SLC14A2: variants seen among roughly 807,000 people sequenced by gnomAD.
The protein encoded by SLC14A2 is solute carrier family 14 member 2.
In SLC14A2, 91 loss-of-function variants were observed where a neutral mutation model predicts 104.6. The ratio of observed to expected loss-of-function variants is 0.87; its 90% CI spans 0.73 to 1.04. The LOEUF (loss-of-function observed/expected upper bound fraction) is 1.04. Ranked by LOEUF, SLC14A2 falls within the 50% of genes least tolerant of loss-of-function variation. The pLI, the probability that SLC14A2 is intolerant of heterozygous loss-of-function variation, is 0.00. For missense variants in SLC14A2, 1,189 were observed against 1,156.0 expected (o/e 1.03, Z -0.41); for synonymous variants, 476 against 466.4 (o/e 1.02, Z -0.27).
At chr18:45,192,075 C>T in the SLC14A2 span, among the ~76,000 whole-genome samples, 1 of 152,138 alleles carries the variant, frequency 6.6e-6, no homozygotes, top group Non-Finnish European at 1.5e-5. Flanking sequence ...TTTCTTGTCT[C>T]AGCTTTCAAC....
chr18:45,388,275 G>C (rs1356335708), intron 1 of SLC14A2, among the ~76,000 whole-genome samples: 1 of 151,878 alleles, frequency 6.6e-6, no homozygotes, highest in Non-Finnish European at 1.5e-5. Flanking sequence ...TGTTAGCCAG[G>C]TTAGTCTCGA....
intron 1 of SLC14A2, among the ~76,000 whole-genome samples, chr18:45,358,041 A>G (rs1855239379): frequency 6.6e-6 from 1 of 152,188 alleles, no homozygotes; most frequent in South Asian, 2.1e-4. Context: ...TCTCTGAAGG[A>G]GAGAGAGAGG....
intron 1 of SLC14A2, among the ~76,000 whole-genome samples, chr18:45,433,464 A>G (rs986173637): frequency 7.2e-5 from 11 of 152,238 alleles, no homozygotes; most frequent in Middle Eastern, 3.4e-3. Context: ...ACTTTCTCCA[A>G]TCCTCCAGAT....
At chr18:45,593,754 G>T (rs1367744096) in intron 2 of SLC14A2, among the ~76,000 whole-genome samples, 1 of 152,090 alleles carries the variant, frequency 6.6e-6, no homozygotes, top group Non-Finnish European at 1.5e-5. Context: ...CTCCCAAAGT[G>T]CTGGAACCAC....
intron 2 of SLC14A2, among the ~76,000 whole-genome samples, chr18:45,533,840 C>T (rs1454945487): frequency 6.6e-6 from 1 of 152,136 alleles, no homozygotes; most frequent in Non-Finnish European, 1.5e-5. Context: ...GCATTTAGTG[C>T]TATAAATGTC....
Position 45,632,351 on chromosome 18 carries a change from T to C in SLC14A2, c.523T>C (p.Ser175Pro), listed in dbSNP as rs754006329. ...AAAATCAGTCTGTTTCACCGCCAGGTCTGCCATTGCCTCAGGACTCCATGG... is the reference window on the plus strand; with the variant it reads ...AAAATCAGTCTGTTTCACCGCCAGGCCTGCCATTGCCTCAGGACTCCATGG... ...LTALALGQDR[S>P]AIASGLHGYN... The change falls in exon 5 of 20, where the codon TCT (serine) becomes CCT (proline). Residue 175 changes from serine (S) to proline (P), a missense_variant and splice_region_variant. Transcript: ENST00000255226. 6.8e-6 allele frequency: 11 copies of C among 1,610,488 alleles called. No homozygotes were observed. Among genetic ancestry groups the C allele is most frequent in the Admixed American group, 1.7e-5 (1 of 59,162 alleles).
intron 2 of SLC14A2, among the ~76,000 whole-genome samples, chr18:45,586,133 G>C (rs1419758537): frequency 6.6e-6 from 1 of 152,190 alleles, no homozygotes; most frequent in East Asian, 1.9e-4. Context: ...AGTAATTGCG[G>C]TTTTGCCATT....
intron 12 of SLC14A2, among the ~76,000 whole-genome samples, chr18:45,666,577 T>C (rs1019070149): frequency 2.1e-4 from 32 of 148,880 alleles, no homozygotes; most frequent in African/African-American, 7.7e-4. Context: ...GAGAAAGCCA[T>C]TTCTTCTGGA....
At chr18:45,176,363 G>A in the SLC14A2 span, among the ~76,000 whole-genome samples, 1 of 152,264 alleles carries the variant, frequency 6.6e-6, no homozygotes, top group East Asian at 1.9e-4. Context: ...AACCCAGGCA[G>A]TCTAATTCCA....
At chr18:45,594,718 G>C (rs1206998754) in intron 2 of SLC14A2, among the ~76,000 whole-genome samples, 1 of 152,128 alleles carries the variant, frequency 6.6e-6, no homozygotes, top group Non-Finnish European at 1.5e-5. Flanking sequence ...TGATAGATGG[G>C]AGGCTGAACC....
At chr18:45,335,226 C>T (rs112216307) in intron 1 of SLC14A2, among the ~76,000 whole-genome samples, 2 of 152,202 alleles carry the variant, frequency 1.3e-5, no homozygotes, top group African/African-American at 4.8e-5. Flanking sequence ...CTTTTTGTCA[C>T]AACAGATGAC....
At chr18:45,209,074 C>T (rs1305142145), upstream of SLC14A2, among the ~76,000 whole-genome samples, 2 of 148,738 alleles carry the variant, frequency 1.3e-5, no homozygotes, top group African/African-American at 2.5e-5. Flanking sequence ...CGGTGGCTCA[C>T]GTCTGTAATC....
intron 1 of SLC14A2, among the ~76,000 whole-genome samples, chr18:45,423,542 G>C (rs2086378758): frequency 6.6e-6 from 1 of 152,110 alleles, no homozygotes; most frequent in Non-Finnish European, 1.5e-5. Context: ...GTGAGCATCT[G>C]GCCTATCCCA....
intron 1 of SLC14A2, among the ~76,000 whole-genome samples, chr18:45,458,621 G>A (rs570406322): frequency 5.9e-5 from 9 of 152,272 alleles, no homozygotes; most frequent in Non-Finnish European, 1.2e-4. Flanking sequence ...TTCTACTTCA[G>A]TGGATTAAGT....
intron 1 of SLC14A2, among the ~76,000 whole-genome samples, chr18:45,254,973 C>T (rs1599617142): frequency 6.6e-6 from 1 of 152,120 alleles, no homozygotes; most frequent in Admixed American, 6.5e-5. Context: ...GCTGGCCTGG[C>T]CTTCTGCATT....
chr18:45,194,684 TG>T, the SLC14A2 span, among the ~76,000 whole-genome samples: 1 of 145,284 alleles, frequency 6.9e-6, no homozygotes, highest in Non-Finnish European at 1.5e-5. Flanking sequence ...CTCACACTGT[TG>T]CCCAGGCTGG....
At chr18:45,660,072 G>T (rs1212429925) in intron 10 of SLC14A2, among the ~76,000 whole-genome samples, 2 of 152,142 alleles carry the variant, frequency 1.3e-5, no homozygotes, top group East Asian at 3.8e-4. Context: ...GTTTTAGGCT[G>T]CAGTGAGCTA....
At chr18:45,508,037 A>T (rs2144780686) in intron 2 of SLC14A2, among the ~76,000 whole-genome samples, 1 of 152,382 alleles carries the variant, frequency 6.6e-6, no homozygotes, top group East Asian at 1.9e-4. Flanking sequence ...TACTCTGCTT[A>T]TCTCAAAGGT....
intron 1 of SLC14A2, among the ~76,000 whole-genome samples, chr18:45,454,321 G>A (rs896038605): frequency 1.3e-5 from 2 of 152,174 alleles, no homozygotes; most frequent in Admixed American, 1.3e-4. Flanking sequence ...GCTGTCTGGG[G>A]CTAGCATCCA....
Sources: gnomAD v4.1 joint callset for allele counts (sites outside exome capture counted in the v4.1 genomes callset) on GRCh38, gnomAD v4.1.1 for gene constraint, MANE v1.5 for transcripts, NCBI Gene and HGNC (gene_info 2026-07-23, HGNC 2026-07-21) for gene names.